Variants in DIAPH2 observed in about 807,000 individuals in gnomAD.
DIAPH2 encodes the protein protein diaphanous homolog 2.
In DIAPH2, 35 loss-of-function variants were observed where a neutral mutation model predicts 92.7. The ratio of observed to expected loss-of-function variants is 0.38; its 90% CI spans 0.29 to 0.50. The LOEUF (loss-of-function observed/expected upper bound fraction) is 0.50, where lower values mean the gene tolerates loss of function less well. Ranked by LOEUF, DIAPH2 falls within the 20% of genes least tolerant of loss-of-function variation. The pLI is 0.94. For missense variants in DIAPH2, 701 were observed against 819.5 expected (o/e 0.86, Z 1.77); for synonymous variants, 301 against 280.4 (o/e 1.07, Z -0.73).
At chrX:97,139,786 C>A (rs2067197765) in intron 21 of DIAPH2, among the ~76,000 whole-genome samples, 1 of 110,734 alleles carries the variant, frequency 9.0e-6, no homozygotes, top group Non-Finnish European at 1.9e-5. Context: ...AAATTAAGCA[C>A]TTATAAGTAT....
intron 17 of DIAPH2, among the ~76,000 whole-genome samples, chrX:96,982,225 C>A (rs753284552): frequency 8.9e-6 from 1 of 112,087 alleles, no homozygotes; most frequent in East Asian, 2.8e-4. Flanking sequence ...GGCACTGTTT[C>A]CTCTTGTTCT....
chrX:97,170,679 T>C (rs1157988177), intron 22 of DIAPH2, among the ~76,000 whole-genome samples: 1 of 111,393 alleles, frequency 9.0e-6, no homozygotes, highest in East Asian at 2.8e-4. Flanking sequence ...AAAGTAATAG[T>C]GTTCATTGTA....
intron 1 of DIAPH2, among the ~76,000 whole-genome samples, chrX:96,705,679 G>T (rs1415622527): frequency 8.9e-6 from 1 of 112,077 alleles, no homozygotes; most frequent in Non-Finnish European, 1.9e-5. Context: ...AAACGTAAAA[G>T]TATTTTCAAT....
In DIAPH2 at chrX:97,599,473, T is replaced by C. The variant is rs2071578493; in HGVS notation, c.*156T>C. 1 of 324,629 alleles carries C rather than the reference T, an allele frequency of 3.1e-6. No individual in the cohort carries two copies. Among genetic ancestry groups the C allele is most frequent in the African/African-American group, 2.7e-5 (1 of 37,023 alleles). The allele number at this position is 324,629 out of a possible 1,213,427, so 26.8% of individuals were successfully genotyped here. On this transcript the variant is annotated 3_prime_UTR_variant, in exon 27 of 27. Transcript: ENST00000324765. ...GAAGTAGTGTGCATTTGTAATACTATTGCAAGACTCCTCCCACAATTATTC... is the reference window on the plus strand; with the variant it reads ...GAAGTAGTGTGCATTTGTAATACTACTGCAAGACTCCTCCCACAATTATTC...
intron 2 of DIAPH2, among the ~76,000 whole-genome samples, chrX:96,737,756 A>G (rs1818154369): frequency 9.0e-6 from 1 of 111,631 alleles, no homozygotes; most frequent in South Asian, 3.7e-4. Flanking sequence ...TTTCTTAATG[A>G]TATTTGTAGG....
intron 26 of DIAPH2, among the ~76,000 whole-genome samples, chrX:97,547,087 C>A (rs1177970557): frequency 9.0e-6 from 1 of 111,698 alleles, no homozygotes; most frequent in Non-Finnish European, 1.9e-5. Context: ...AATATGGATG[C>A]AGCTCATGTG....
In DIAPH2 at chrX:97,217,077, G is replaced by A. The variant is rs913247784; in HGVS notation, c.2720-30638G>A. ...TTATGCTATAGTGTGAGTTAAAGAA[G>A]CTAAGAAGGACAGAAATAAAATAGA... On this transcript the variant is annotated intron_variant, in intron 22 of 26. Coordinates refer to ENST00000324765, the MANE Select transcript of DIAPH2 (RefSeq NM_006729.5). Among the ~76,000 whole-genome samples the A allele has an allele frequency of 7.2e-5, 8 of 111,874 alleles. No individual in the cohort carries two copies. The East Asian group carries it at 2.2e-3, about 31-fold the overall frequency.
At chrX:96,856,512 C>T (rs1469839166) in intron 4 of DIAPH2, among the ~76,000 whole-genome samples, 1 of 105,785 alleles carries the variant, frequency 9.5e-6, no homozygotes, top group African/African-American at 3.5e-5. Context: ...GGTTTTTCAG[C>T]AGCACAGGTC....
chrX:96,760,929 C>A (rs992528060), intron 4 of DIAPH2, among the ~76,000 whole-genome samples: 8 of 111,231 alleles, frequency 7.2e-5, no homozygotes, highest in African/African-American at 2.3e-4. Context: ...ATTTTATCCT[C>A]CATTGTTCAT....
At chrX:97,421,480 G>A (rs1396878722) in intron 25 of DIAPH2, among the ~76,000 whole-genome samples, 3 of 111,589 alleles carry the variant, frequency 2.7e-5, no homozygotes, top group Non-Finnish European at 5.7e-5. Context: ...ATTGAATCTA[G>A]CACTGGTTTT....
chrX:97,190,531 C>T (rs1179819591), intron 22 of DIAPH2, among the ~76,000 whole-genome samples: 1 of 111,805 alleles, frequency 8.9e-6, no homozygotes, highest in Non-Finnish European at 1.9e-5. Context: ...GGATGCTGTC[C>T]CATGTTGCTC....
At chrX:96,800,518 A>G (rs1046265446) in intron 4 of DIAPH2, among the ~76,000 whole-genome samples, 1 of 111,924 alleles carries the variant, frequency 8.9e-6, no homozygotes, top group African/African-American at 3.2e-5. Flanking sequence ...GTTTTCACTG[A>G]TGTTATATAC....
chrX:96,756,218 C>T (rs895381374), intron 3 of DIAPH2, among the ~76,000 whole-genome samples: 4 of 110,435 alleles, frequency 3.6e-5, no homozygotes, highest in African/African-American at 9.9e-5. Flanking sequence ...AGCACAACAA[C>T]TTTGAGAACA....
chrX:97,351,847 G>C (rs1172541468), intron 24 of DIAPH2, among the ~76,000 whole-genome samples: 1 of 110,730 alleles, frequency 9.0e-6, no homozygotes, highest in African/African-American at 3.3e-5. Flanking sequence ...GCAGAGTCTT[G>C]AAAAATCCAT....
intron 17 of DIAPH2, among the ~76,000 whole-genome samples, chrX:97,032,826 CAG>C (rs2066385730): frequency 9.0e-6 from 1 of 111,714 alleles, no homozygotes; most frequent in Admixed American, 9.5e-5. Context: ...TGCTTTGTTT[CAG>C]AGAGTCTGAC....
intron 26 of DIAPH2, 39 bp from the exon 27 acceptor site, chrX:97,599,214 C>T (rs769783722): frequency 3.8e-6 from 4 of 1,063,434 alleles, no homozygotes; most frequent in Non-Finnish European, 5.1e-6. Context: ...AGATCTAAAA[C>T]TTACCATGCT....
At chrX:96,690,388 A>T (rs1024324951) in intron 1 of DIAPH2, among the ~76,000 whole-genome samples, 3 of 111,569 alleles carry the variant, frequency 2.7e-5, no homozygotes, top group African/African-American at 9.8e-5. Context: ...TTTGCTTCAC[A>T]AGGTGTTTTA....
chrX:96,888,581 C>CTA (rs72073544), intron 5 of DIAPH2, among the ~76,000 whole-genome samples: 4 of 92,040 alleles, frequency 4.3e-5, no homozygotes, highest in African/African-American at 1.2e-4. Flanking sequence ...ATATATATAT[C>CTA]TATATATATA....
At chrX:97,038,050 A>G (rs1298267154) in intron 17 of DIAPH2, among the ~76,000 whole-genome samples, 1 of 111,112 alleles carries the variant, frequency 9.0e-6, no homozygotes, top group Non-Finnish European at 1.9e-5. Flanking sequence ...GATTATCCCA[A>G]TCTGCATGCC....
Sources: allele counts gnomAD v4.1 joint callset (sites outside exome capture counted in the v4.1 genomes callset), GRCh38; gene constraint gnomAD v4.1.1; transcripts MANE v1.5; gene names NCBI Gene and HGNC (gene_info 2026-07-23, HGNC 2026-07-21).